S100Z: variants seen among roughly 807,000 people sequenced by gnomAD.
S100Z encodes S100 calcium binding protein Z.
A neutral mutation model predicts 8.5 loss-of-function variants in S100Z; 11 were observed. That is an observed-to-expected ratio of 1.30 (90% CI 0.82 to 2.15). The LOEUF is 2.15. Among genes scored for constraint, S100Z ranks in the 30% most tolerant of loss-of-function variants. The probability of loss-of-function intolerance (pLI) is 0.00; values close to 1 mark genes in which losing one functional copy is unlikely to be tolerated. For missense variants in S100Z, 126 were observed against 117.9 expected, an observed-to-expected ratio of 1.07 and a Z score of -0.32; for synonymous variants, 34 against 43.8, an observed-to-expected ratio of 0.78 and a Z score of 0.89.
the S100Z span, among the ~76,000 whole-genome samples, chr5:76,935,969 G>T: frequency 6.6e-6 from 1 of 152,062 alleles, no homozygotes; most frequent in Non-Finnish European, 1.5e-5. Context: ...TAGAGATGGG[G>T]TTTCACCATG....
intron 4 of S100Z, among the ~76,000 whole-genome samples, chr5:76,899,780 A>G (rs913486931): frequency 2.0e-5 from 3 of 152,156 alleles, no homozygotes; most frequent in African/African-American, 7.2e-5. Flanking sequence ...AGAGTAGTTT[A>G]TACACTACAG....
At chr5:76,901,290 C>T (rs75076473) in intron 4 of S100Z, among the ~76,000 whole-genome samples, 2,196 of 152,336 alleles carry the variant, frequency 0.014, 65 homozygotes, top group East Asian at 0.12. Flanking sequence ...CAATGCCAGC[C>T]AGGCCTGTGT....
chr5:76,908,506 C>T (rs1033756346), intron 4 of S100Z, among the ~76,000 whole-genome samples: 8 of 152,292 alleles, frequency 5.3e-5, no homozygotes, highest in East Asian at 1.9e-4. Flanking sequence ...AATGATTTCT[C>T]GTATAAACTT....
intron 4 of S100Z, among the ~76,000 whole-genome samples, chr5:76,906,986 A>ATG (rs1744464242): frequency 8.9e-5 from 1 of 11,280 alleles, no homozygotes; most frequent in Non-Finnish European, 1.6e-4. Context: ...GTATATATAT[A>ATG]TATATATATA....
intron 1 of S100Z, among the ~76,000 whole-genome samples, chr5:76,863,635 T>C (rs569740213): frequency 4.9e-4 from 74 of 152,102 alleles, no homozygotes; most frequent in African/African-American, 1.7e-3. Flanking sequence ...GCCTCCCGGG[T>C]TCACGCCATT....
chr5:76,952,924 C>A, the S100Z span: 1 of 564,592 alleles, frequency 1.8e-6, no homozygotes, highest in Non-Finnish European at 3.2e-6. Flanking sequence ...CCCTCGTCAT[C>A]GCCACGTACT....
chr5:76,938,736 T>C, the S100Z span, among the ~76,000 whole-genome samples: 1 of 152,218 alleles, frequency 6.6e-6, no homozygotes, highest in Non-Finnish European at 1.5e-5. Flanking sequence ...GTGTGACCCA[T>C]CTCAAATTAA....
intron 1 of S100Z, among the ~76,000 whole-genome samples, chr5:76,859,512 G>A (rs1750988502): frequency 6.6e-6 from 1 of 152,090 alleles, no homozygotes. Context: ...CGGGGGCAGT[G>A]GCTCACGTCT....
At chr5:76,943,733 T>C in the S100Z span, among the ~76,000 whole-genome samples, 1 of 148,900 alleles carries the variant, frequency 6.7e-6, no homozygotes, top group Non-Finnish European at 1.5e-5. Context: ...CCTGCAGTGA[T>C]TCTGATAGTT....
At position 76,855,950 on chromosome 5, in the gene S100Z, C is replaced by T. The variant is rs114354233; in HGVS notation, c.-176+5795C>T. Among the ~76,000 whole-genome samples, 898 of 152,206 alleles carry T rather than the reference C, an allele frequency of 5.9e-3. 8 individuals are homozygous for T. Among genetic ancestry groups the T allele is most frequent in the African/African-American group, 0.021 (856 of 41,530 alleles). ...GGAGTTCTCATGAATGGGTTAACATCATCCCCAAGGTGCTGTTCTCATGAA... is the reference window on the plus strand; with the variant it reads ...GGAGTTCTCATGAATGGGTTAACATTATCCCCAAGGTGCTGTTCTCATGAA... On this transcript the variant is annotated intron_variant, in intron 1 of 4. Transcript: ENST00000317593.
intron 4 of S100Z, among the ~76,000 whole-genome samples, chr5:76,903,055 G>A (rs900645846): frequency 3.3e-5 from 5 of 152,102 alleles, no homozygotes; most frequent in South Asian, 2.1e-4. Flanking sequence ...ACATGATGGC[G>A]GGTGCCAGTG....
intron 4 of S100Z, among the ~76,000 whole-genome samples, chr5:76,903,905 G>T (rs1249343530): frequency 2.0e-5 from 3 of 151,172 alleles, no homozygotes; most frequent in East Asian, 2.0e-4. Context: ...TTTTGTGTGT[G>T]TGTATTTTTA....
At chr5:76,932,711 C>G in the S100Z span, among the ~76,000 whole-genome samples, 1 of 152,152 alleles carries the variant, frequency 6.6e-6, no homozygotes, top group Non-Finnish European at 1.5e-5. Flanking sequence ...GTGGCCGACC[C>G]CTTCCCATCC....
intron 1 of S100Z, among the ~76,000 whole-genome samples, chr5:76,867,703 T>C (rs10055746): frequency 0.4 from 60,835 of 150,586 alleles, 12,556 homozygotes; most frequent in East Asian, 0.66. Flanking sequence ...TGCCTCAGCC[T>C]CTCGAGTAGC....
chr5:76,873,852 G>C (rs1743089835), intron 2 of S100Z, among the ~76,000 whole-genome samples: 1 of 152,186 alleles, frequency 6.6e-6, no homozygotes. Context: ...TTTTTACATG[G>C]ACTCTTTCTT....
chr5:76,874,861 T>C (rs1254262456), intron 2 of S100Z, among the ~76,000 whole-genome samples: 2 of 151,306 alleles, frequency 1.3e-5, no homozygotes, highest in African/African-American at 4.9e-5. Context: ...GGTGGAACAC[T>C]CTTTAATGAA....
At chr5:76,893,296 A>G (rs1743929057) in intron 4 of S100Z, among the ~76,000 whole-genome samples, 2 of 152,268 alleles carry the variant, frequency 1.3e-5, no homozygotes, top group Non-Finnish European at 2.9e-5. Flanking sequence ...CAAGAAGAGA[A>G]CAGGCTCCTT....
the S100Z span, among the ~76,000 whole-genome samples, chr5:76,941,962 G>T: frequency 6.6e-6 from 1 of 151,376 alleles, no homozygotes; most frequent in Admixed American, 6.6e-5. Context: ...ACTTTATTTT[G>T]TTGCTCAAAT....
chr5:76,927,961 G>T, the S100Z span, among the ~76,000 whole-genome samples: 1 of 152,322 alleles, frequency 6.6e-6, no homozygotes, highest in Non-Finnish European at 1.5e-5. Flanking sequence ...TGTGTGTGCT[G>T]TTCCCTGTCC....
Sources: allele counts gnomAD v4.1 joint callset (sites outside exome capture counted in the v4.1 genomes callset), GRCh38; gene constraint gnomAD v4.1.1; transcripts MANE v1.5; gene names NCBI Gene and HGNC (gene_info 2026-07-23, HGNC 2026-07-21).